Variants in TFCP2L1 observed in about 807,000 individuals in gnomAD.
The protein encoded by TFCP2L1 is transcription factor CP2-like protein 1.
Under a neutral mutation model 72.2 loss-of-function variants are expected in TFCP2L1, and 12 were observed. The observed-to-expected ratio is 0.17, with a 90% confidence interval of 0.11 to 0.27. The LOEUF (loss-of-function observed/expected upper bound fraction) is 0.27, where lower values mean the gene tolerates loss of function less well. Among genes scored for constraint, TFCP2L1 ranks in the 10% least tolerant of loss-of-function variants. TFCP2L1 has a pLI of 1.00. For synonymous variants in TFCP2L1, 260 were observed against 251.0 expected (o/e 1.04, Z -0.34); for missense variants, 488 against 624.6 (o/e 0.78, Z 2.33).
chr2:121,271,319 T>TATGG, intron 2 of TFCP2L1, among the ~76,000 whole-genome samples: 1 of 152,154 alleles, frequency 6.6e-6, no homozygotes, highest in Non-Finnish European at 1.5e-5. Context: ...CATGTTTGTC[T>TATGG]ATGGAAGCAG....
Position 121,224,221 on chromosome 2 carries a change from G to T in TFCP2L1, c.*120C>A. On this transcript the variant is annotated 3_prime_UTR_variant, in exon 15 of 15. Coordinates refer to ENST00000263707, the MANE Select transcript of TFCP2L1 (RefSeq NM_014553.3). Reference sequence around the variant, plus strand: ...GTGCTCTGTAGCTTTCACAGACTGGGCAGGGTCCCTCCTGGCCTCAGCTTG... The same window carrying T: ...GTGCTCTGTAGCTTTCACAGACTGGTCAGGGTCCCTCCTGGCCTCAGCTTG... 1 of 1,138,720 alleles carries T rather than the reference G, an allele frequency of 8.8e-7. No individual in the cohort carries two copies. The highest frequency in any genetic ancestry group is 1.3e-6 in the Non-Finnish European group (1 of 777,230). The allele number at this position is 1,138,720 out of a possible 1,614,324, so 70.5% of individuals were successfully genotyped here.
In TFCP2L1 at chr2:121,218,007, C is replaced by A. The variant is rs576595615; in HGVS notation, c.*6334G>T. The A allele has an allele frequency of 1.1e-4, 17 of 152,312 alleles. 1 individual carries two copies. The East Asian group carries it at 2.9e-3, about 26-fold the overall frequency. 9.4% of individuals were successfully genotyped at this position (152,312 alleles called of 1,614,324 possible). On this transcript the variant is annotated 3_prime_UTR_variant, in exon 15 of 15. Transcript: ENST00000263707. ...TCTGAATGCTTCCCCTGCTTCCAAG[C>A]GCAAACCAAGTCATTTTATTCTTTT...
intron 6 of TFCP2L1, 45 bp from the exon 7 acceptor site, chr2:121,242,514 G>A (rs1308764307): frequency 1.3e-6 from 2 of 1,587,366 alleles, no homozygotes; most frequent in Non-Finnish European, 1.7e-6. Context: ...ACCAACACAG[G>A]CAGCAGCCCC....
intron 7 of TFCP2L1, among the ~76,000 whole-genome samples, chr2:121,241,910 G>C (rs1686376958): frequency 1.3e-5 from 2 of 152,024 alleles, no homozygotes; most frequent in Non-Finnish European, 1.5e-5. Flanking sequence ...TGCAGGCATG[G>C]GGCAAACGTG....
intron 7 of TFCP2L1, among the ~76,000 whole-genome samples, chr2:121,241,044 C>T (rs115062233): frequency 1.4e-3 from 211 of 152,340 alleles, no homozygotes; most frequent in African/African-American, 3.9e-3. Flanking sequence ...CCACCACGGC[C>T]GGCAGGGGCC....
At chr2:121,242,276 C>T (rs949173683) in intron 7 of TFCP2L1, 83 bp downstream of exon 7, 31 of 1,239,158 alleles carry the variant, frequency 2.5e-5, no homozygotes, top group Middle Eastern at 1.9e-4. Flanking sequence ...CCGAGATGGG[C>T]GATTTTCCAA....
At chr2:121,282,155 A>C (rs1424035440) in intron 1 of TFCP2L1, among the ~76,000 whole-genome samples, 1 of 150,992 alleles carries the variant, frequency 6.6e-6, no homozygotes, top group African/African-American at 2.4e-5. Context: ...CTGGTCACTA[A>C]CTCCTGACCT....
chr2:121,265,865 CTTTT>C (rs559969459), intron 2 of TFCP2L1, among the ~76,000 whole-genome samples: 3 of 131,576 alleles, frequency 2.3e-5, no homozygotes, highest in Admixed American at 7.8e-5. Context: ...AAGTAGTAAT[CTTTT>C]TTTTTTTTTT....
At chr2:121,226,461 G>T (rs1324254726) in intron 13 of TFCP2L1, among the ~76,000 whole-genome samples, 1 of 152,006 alleles carries the variant, frequency 6.6e-6, no homozygotes, top group East Asian at 1.9e-4. Flanking sequence ...ACAGGAATGT[G>T]TATGTGACTA....
chr2:121,225,957 ACGG>A (rs879366722), intron 13 of TFCP2L1, among the ~76,000 whole-genome samples: 645 of 140,842 alleles, frequency 4.6e-3, no homozygotes, highest in Middle Eastern at 0.022. Context: ...ACACGGGAAC[ACGG>A]TAAACACCAC....
Position 121,219,597 on chromosome 2 carries a change from C to A in TFCP2L1, c.*4744G>T, listed in dbSNP as rs528296590. ...ACTGTGTACAACCAGGATGGGCACA[C>A]GTAAAGGTCTCCTGCCTGTTGTGCA... On this transcript the variant is annotated 3_prime_UTR_variant, in exon 15 of 15. Coordinates refer to ENST00000263707, the MANE Select transcript of TFCP2L1 (RefSeq NM_014553.3). 1 of 152,190 alleles carries A rather than the reference C, an allele frequency of 6.6e-6. No individual in the cohort carries two copies. The highest frequency in any genetic ancestry group is 1.5e-5 in the Non-Finnish European group (1 of 68,048). 9.4% of individuals were successfully genotyped at this position (152,190 alleles called of 1,614,324 possible).
intron 2 of TFCP2L1, among the ~76,000 whole-genome samples, chr2:121,251,461 T>C (rs1431335597): frequency 6.6e-6 from 1 of 152,208 alleles, no homozygotes; most frequent in East Asian, 1.9e-4. Flanking sequence ...GACTAGCTAT[T>C]TATTTCAGAG....
rs1685931796 is a variant in TFCP2L1 at position 121,221,672 on chromosome 2, ATCT to A, written c.*2666_*2668del. 2 of 152,310 alleles carry A rather than the reference ATCT, an allele frequency of 1.3e-5. No homozygotes were observed. The highest frequency in any genetic ancestry group is 2.4e-5 in the African/African-American group (1 of 41,580). 9.4% of individuals were successfully genotyped at this position (152,310 alleles called of 1,614,324 possible). On this transcript the variant is annotated 3_prime_UTR_variant, in exon 15 of 15. Transcript: ENST00000263707. ...TTCTTAGAAGAAAACACAGGCATTA[ATCT>A]TCTTGACCTTGGATTAGGCAATGGT...
intron 6 of TFCP2L1, among the ~76,000 whole-genome samples, chr2:121,245,741 G>A (rs1271535682): frequency 3.3e-5 from 5 of 152,210 alleles, no homozygotes; most frequent in Admixed American, 3.3e-4. Flanking sequence ...CAGGCTCTGT[G>A]AGAAATGGCA....
chr2:121,235,081 C>T, intron 11 of TFCP2L1, 140 bp downstream of exon 11: 1 of 824,126 alleles, frequency 1.2e-6, no homozygotes, highest in East Asian at 2.6e-5. Flanking sequence ...CACATTTCCT[C>T]CTACACTTGA....
chr2:121,282,813 G>GT (rs1175878684), intron 1 of TFCP2L1, among the ~76,000 whole-genome samples: 1 of 152,074 alleles, frequency 6.6e-6, no homozygotes, highest in Non-Finnish European at 1.5e-5. Context: ...ATAAACAAGC[G>GT]TCTCTACAAC....
chr2:121,239,995 G>C (rs963171962), intron 7 of TFCP2L1: 1 of 970,448 alleles, frequency 1.0e-6, no homozygotes, highest in Non-Finnish European at 1.2e-6. Flanking sequence ...TTCACAAACA[G>C]CTTTTCCTGG....
intron 10 of TFCP2L1, among the ~76,000 whole-genome samples, chr2:121,236,177 A>G (rs1296217058): frequency 6.6e-6 from 1 of 152,156 alleles, no homozygotes; most frequent in East Asian, 1.9e-4. Flanking sequence ...GGGGGGCTTC[A>G]GGTCTGGGCT....
intron 7 of TFCP2L1, among the ~76,000 whole-genome samples, chr2:121,241,045 G>T (rs1029383321): frequency 6.6e-6 from 1 of 152,192 alleles, no homozygotes. Context: ...CACCACGGCC[G>T]GCAGGGGCCT....
Sources: gnomAD v4.1 joint callset for allele counts (sites outside exome capture counted in the v4.1 genomes callset) on GRCh38, gnomAD v4.1.1 for gene constraint, MANE v1.5 for transcripts, NCBI Gene and HGNC (gene_info 2026-07-23, HGNC 2026-07-21) for gene names.